The following PDE1A variants were observed in gnomAD, a reference collection of about 807,000 sequenced individuals.
PDE1A encodes phosphodiesterase 1A.
In PDE1A, 35 loss-of-function variants were observed where a neutral mutation model predicts 61.7. The ratio of observed to expected loss-of-function variants is 0.57; its 90% CI spans 0.43 to 0.75. The LOEUF (loss-of-function observed/expected upper bound fraction) is 0.75. PDE1A is among the 30% of genes least tolerant of loss of function. PDE1A has a pLI of 0.00. For missense variants in PDE1A, 597 were observed against 630.6 expected, an observed-to-expected ratio of 0.95 and a Z score of 0.57; for synonymous variants, 232 against 213.2, an observed-to-expected ratio of 1.09 and a Z score of -0.77.
the PDE1A span, among the ~76,000 whole-genome samples, chr2:182,633,726 T>A: frequency 6.6e-6 from 1 of 152,104 alleles, no homozygotes; most frequent in Non-Finnish European, 1.5e-5. Flanking sequence ...TAAGAGAACA[T>A]TACATTCTTC....
chr2:182,143,837 AATAG>A (rs1275211922), downstream of PDE1A, among the ~76,000 whole-genome samples: 5 of 152,018 alleles, frequency 3.3e-5, no homozygotes, highest in African/African-American at 1.2e-4. Flanking sequence ...CTATCTTTCT[AATAG>A]ATAGTGGTTT....
At chr2:182,359,741 A>T (rs1418737447) in intron 1 of PDE1A, among the ~76,000 whole-genome samples, 1 of 152,054 alleles carries the variant, frequency 6.6e-6, no homozygotes, top group Non-Finnish European at 1.5e-5. Context: ...AGTAACAGGG[A>T]AAAGGTTACA....
At chr2:182,167,413 C>T (rs1691706519), downstream of PDE1A, among the ~76,000 whole-genome samples, 1 of 152,040 alleles carries the variant, frequency 6.6e-6, no homozygotes, top group East Asian at 1.9e-4. Flanking sequence ...AAGAAAGAGC[C>T]AAATTCCTCC....
At chr2:182,296,728 CATT>C (rs765196866) in intron 1 of PDE1A, among the ~76,000 whole-genome samples, 26 of 152,148 alleles carry the variant, frequency 1.7e-4, no homozygotes, top group Non-Finnish European at 2.8e-4. Context: ...TCAGATAAAA[CATT>C]ATTTCTGGGT....
the PDE1A span, among the ~76,000 whole-genome samples, chr2:182,673,210 T>C: frequency 2.0e-5 from 3 of 152,358 alleles, no homozygotes; most frequent in East Asian, 5.8e-4. Flanking sequence ...TCTATAATTC[T>C]GATTGTTTCA....
At chr2:182,503,790 T>C (rs10931021) in intron 2 of PDE1A, among the ~76,000 whole-genome samples, 114,447 of 151,850 alleles carry the variant, frequency 0.75, 45,019 homozygotes, top group East Asian at 0.99. Context: ...CCTGATTATG[T>C]AACCCCACCA....
the PDE1A span, among the ~76,000 whole-genome samples, chr2:182,666,125 A>G: frequency 1.3e-5 from 2 of 152,164 alleles, no homozygotes; most frequent in Admixed American, 1.3e-4. Flanking sequence ...TTCCTAGGTG[A>G]TGGGTTGATA....
chr2:182,215,522 G>C (rs980769638), intron 7 of PDE1A, among the ~76,000 whole-genome samples: 4 of 151,180 alleles, frequency 2.6e-5, no homozygotes, highest in African/African-American at 9.7e-5. Context: ...CCGCTAGCAA[G>C]ACTAATAAAG....
intron 13 of PDE1A, among the ~76,000 whole-genome samples, chr2:182,159,944 C>T (rs1691289069): frequency 6.6e-6 from 1 of 152,074 alleles, no homozygotes; most frequent in Non-Finnish European, 1.5e-5. Flanking sequence ...CACAGAGAAA[C>T]CCTGTCTCAA....
the PDE1A span, among the ~76,000 whole-genome samples, chr2:182,647,920 A>G: frequency 4.6e-5 from 5 of 108,928 alleles, no homozygotes; most frequent in African/African-American, 9.7e-5. Context: ...TTTACTGAGG[A>G]AAAAAAAAGG....
chr2:182,276,337 A>T (rs890551161), intron 1 of PDE1A, among the ~76,000 whole-genome samples: 2 of 152,078 alleles, frequency 1.3e-5, no homozygotes, highest in Admixed American at 1.3e-4. Context: ...ATAAATTGCA[A>T]ATATTTCATT....
intron 2 of PDE1A, among the ~76,000 whole-genome samples, chr2:182,254,107 A>G (rs1040475457): frequency 6.6e-6 from 1 of 152,218 alleles, no homozygotes; most frequent in Non-Finnish European, 1.5e-5. Context: ...TATTCAACAC[A>G]TAGAGCTTTT....
intron 1 of PDE1A, among the ~76,000 whole-genome samples, chr2:182,378,589 C>T (rs1057501202): frequency 5.9e-5 from 9 of 152,214 alleles, no homozygotes; most frequent in African/African-American, 2.2e-4. Context: ...CAAGTATTAG[C>T]TGTGATACAA....
rs542703959 is a variant in PDE1A at position 182,453,803 on chromosome 2, C to G, written c.101+68473G>C. Reference sequence around the variant, plus strand: ...AGAGCTATCTATGAAAAACCCACAGCCAATATCATACTGAATGGGCAAAAA... The same window carrying G: ...AGAGCTATCTATGAAAAACCCACAGGCAATATCATACTGAATGGGCAAAAA... On this transcript the variant is annotated intron_variant, in intron 2 of 14. Coordinates refer to the PDE1A transcript ENST00000410103. 4.3e-4 allele frequency among the ~76,000 whole-genome samples: 65 copies of G among 152,200 alleles called. 1 individual carries two copies. The highest frequency in any genetic ancestry group is 1.5e-3 in the African/African-American group (63 of 41,530).
chr2:182,657,662 T>C, the PDE1A span, among the ~76,000 whole-genome samples: 2 of 152,166 alleles, frequency 1.3e-5, no homozygotes, highest in East Asian at 3.8e-4. Context: ...GCATATGCTA[T>C]TTCTTCTAGG....
chr2:182,485,188 A>G lies in PDE1A; in HGVS notation c.101+37088T>C, dbSNP rs146200095. ...CACCATGGCATACTATGCAGCCATA[A>G]AAAGAATGAGATCATGTCTTTTGCA... On this transcript the variant is annotated intron_variant, in intron 2 of 14. Transcript: ENST00000410103. 1.6e-3 allele frequency among the ~76,000 whole-genome samples: 247 copies of G among 152,288 alleles called. 1 individual carries two copies. Among genetic ancestry groups the G allele is most frequent in the African/African-American group, 5.6e-3 (231 of 41,574 alleles).
At chr2:182,605,834 T>C in the PDE1A span, among the ~76,000 whole-genome samples, 1 of 152,228 alleles carries the variant, frequency 6.6e-6, no homozygotes, top group Non-Finnish European at 1.5e-5. Flanking sequence ...TAAATGTTAA[T>C]GTGAACTGTA....
chr2:182,304,902 G>GA (rs1695479551), intron 1 of PDE1A, among the ~76,000 whole-genome samples: 1 of 151,988 alleles, frequency 6.6e-6, no homozygotes, highest in Admixed American at 6.6e-5. Context: ...TATGCTATTG[G>GA]AAAAAATGGC....
At chr2:182,450,430 CATGTCATGT>C (rs995109100) in intron 2 of PDE1A, among the ~76,000 whole-genome samples, 3 of 152,076 alleles carry the variant, frequency 2.0e-5, no homozygotes, top group Non-Finnish European at 4.4e-5. Context: ...GACTCCACCT[CATGTCATGT>C]GCCTCAGTTA....
Sources: gnomAD v4.1 joint callset for allele counts (sites outside exome capture counted in the v4.1 genomes callset) on GRCh38, gnomAD v4.1.1 for gene constraint, MANE v1.5 for transcripts, NCBI Gene and HGNC (gene_info 2026-07-23, HGNC 2026-07-21) for gene names.